Variants in XIRP2 observed in about 807,000 individuals in gnomAD.
XIRP2 encodes xin actin binding repeat containing 2.
A neutral mutation model predicts 277.0 loss-of-function variants in XIRP2; 236 were observed. That is an observed-to-expected ratio of 0.85 (90% CI 0.77 to 0.95). The LOEUF (loss-of-function observed/expected upper bound fraction) is 0.95. Among genes scored for constraint, XIRP2 ranks in the 40% least tolerant of loss-of-function variants. The pLI, the probability that XIRP2 is intolerant of heterozygous loss-of-function variation, is 0.00. For synonymous variants in XIRP2, 1,490 were observed against 1,416.5 expected, an observed-to-expected ratio of 1.05 and a Z score of -1.17; for missense variants, 4,640 against 4,157.5, an observed-to-expected ratio of 1.12 and a Z score of -3.19.
intron 2 of XIRP2, among the ~76,000 whole-genome samples, chr2:167,006,330 G>C (rs899096932): frequency 1.3e-5 from 2 of 151,748 alleles, no homozygotes; most frequent in South Asian, 2.1e-4. Flanking sequence ...ATGGTGGGGC[G>C]GGGGGAATGT....
intron 2 of XIRP2, among the ~76,000 whole-genome samples, chr2:167,027,167 A>G (rs1008890011): frequency 1.4e-4 from 22 of 152,062 alleles, no homozygotes; most frequent in African/African-American, 5.3e-4. Flanking sequence ...TGGTCTTTTC[A>G]CATAGTCCTA....
At chr2:166,902,116 C>T (rs879912109) in intron 1 of XIRP2, among the ~76,000 whole-genome samples, 3 of 152,036 alleles carry the variant, frequency 2.0e-5, no homozygotes, top group Non-Finnish European at 4.4e-5. Flanking sequence ...TAGTAAAACC[C>T]AACCTGGGAC....
rs1002991615 is a variant in XIRP2, at chr2:166,893,941, A to G, written c.-19+5384A>G. Among the ~76,000 whole-genome samples, 7 of 152,300 alleles carry G rather than the reference A, an allele frequency of 4.6e-5. No homozygotes were observed. In the East Asian group the frequency reaches 1.4e-3, roughly 29 times the overall value. On this transcript the variant is annotated intron_variant, in intron 1 of 10. Coordinates refer to ENST00000409195, the MANE Select transcript of XIRP2 (RefSeq NM_152381.6). ...AAATCAACCATATGAGACTATTTAC[A>G]AAGCTTGTTTAAAATTAACTTTAGG...
chr2:167,025,395 C>A (rs1203057483), intron 2 of XIRP2, among the ~76,000 whole-genome samples: 1 of 151,982 alleles, frequency 6.6e-6, no homozygotes, highest in Non-Finnish European at 1.5e-5. Flanking sequence ...TTGATCTTTT[C>A]AAAAAACCAG....
intron 2 of XIRP2, among the ~76,000 whole-genome samples, chr2:167,064,048 CT>C (rs1403169960): frequency 4.6e-5 from 7 of 151,422 alleles, no homozygotes; most frequent in African/African-American, 1.7e-4. Flanking sequence ...TTTAAGATAC[CT>C]TTTATGTTAC....
intron 5 of XIRP2, among the ~76,000 whole-genome samples, chr2:167,238,291 GA>G (rs989435091): frequency 6.6e-6 from 1 of 151,426 alleles, no homozygotes; most frequent in African/African-American, 2.4e-5. Context: ...ATTCTGCTTG[GA>G]AAAAAAATTA....
intron 1 of XIRP2, among the ~76,000 whole-genome samples, chr2:166,890,186 G>A (rs1355566814): frequency 2.0e-5 from 3 of 151,736 alleles, no homozygotes; most frequent in Non-Finnish European, 4.4e-5. Flanking sequence ...GTAGAGATGG[G>A]GTTTCACCGT....
chr2:167,146,159 T>A (rs1691859114), intron 3 of XIRP2, among the ~76,000 whole-genome samples: 2 of 152,080 alleles, frequency 1.3e-5, no homozygotes, highest in African/African-American at 4.8e-5. Context: ...ACTAATTGTA[T>A]ATTGCTGAAG....
chr2:166,962,151 C>T (rs1391912357), intron 2 of XIRP2, among the ~76,000 whole-genome samples: 2 of 151,796 alleles, frequency 1.3e-5, no homozygotes, highest in South Asian at 2.1e-4. Flanking sequence ...CCTGGCCACC[C>T]ACAATCTTGT....
At chr2:167,231,370 G>A (rs954801182) in intron 5 of XIRP2, among the ~76,000 whole-genome samples, 10 of 151,988 alleles carry the variant, frequency 6.6e-5, no homozygotes, top group Admixed American at 2.6e-4. Flanking sequence ...TCCTTGTAAC[G>A]TCTCATGGAA....
chr2:167,150,860 GTGA>G (rs1558997941), intron 3 of XIRP2, among the ~76,000 whole-genome samples: 1 of 152,058 alleles, frequency 6.6e-6, no homozygotes, highest in East Asian at 1.9e-4. Flanking sequence ...TTAAAATACA[GTGA>G]TTTGGGCAGT....
intron 2 of XIRP2, among the ~76,000 whole-genome samples, chr2:167,058,996 G>T (rs1310777036): frequency 4.0e-5 from 6 of 148,920 alleles, no homozygotes; most frequent in Non-Finnish European, 8.9e-5. Flanking sequence ...AAGATGGAAA[G>T]AATATTTAGA....
chr2:166,966,860 C>A (rs1686446407), intron 2 of XIRP2, among the ~76,000 whole-genome samples: 1 of 151,978 alleles, frequency 6.6e-6, no homozygotes, highest in African/African-American at 2.4e-5. Context: ...ATCTTAGCAC[C>A]TTGCTATTCA....
chr2:167,195,034 A>G (rs1389436503), intron 3 of XIRP2, among the ~76,000 whole-genome samples: 1 of 152,172 alleles, frequency 6.6e-6, no homozygotes, highest in Non-Finnish European at 1.5e-5. Flanking sequence ...GAAAACTGCA[A>G]CACACTAAAA....
intron 3 of XIRP2, among the ~76,000 whole-genome samples, chr2:167,171,250 G>C (rs989498011): frequency 2.9e-4 from 44 of 152,118 alleles, no homozygotes; most frequent in Admixed American, 2.1e-3. Flanking sequence ...GCTAGTTACT[G>C]CTACAACTGC....
chr2:167,043,508 G>A (rs1688715645), intron 2 of XIRP2, among the ~76,000 whole-genome samples: 1 of 151,984 alleles, frequency 6.6e-6, no homozygotes, highest in East Asian at 1.9e-4. Context: ...TGACAAAAGT[G>A]ACATTACCAG....
At position 167,251,790 on chromosome 2, in the gene XIRP2, T is replaced by C. The variant is rs748000828; in HGVS notation, c.10398T>C (p.Ile3466=). Residue 3466 remains isoleucine, a synonymous_variant, in exon 9 of 11, where the codon ATT becomes ATC. Transcript: ENST00000409195. The stretch of plus-strand genomic sequence containing the variant: ...ATGAGGATGTCATTGCTGGACATAT[T>C]TTAGATATCTCTGATTCACCTAAAG... ...PTYEDVIAGH[I]LDISDSPKEV... The C allele has an allele frequency of 1.6e-5, 26 of 1,613,380 alleles. No homozygotes were observed. The highest frequency in any genetic ancestry group is 2.0e-5 in the Non-Finnish European group (24 of 1,179,578).
chr2:167,249,349 G>C lies in XIRP2; in HGVS notation c.7957G>C (p.Asp2653His), dbSNP rs544826216. 6.2e-7 allele frequency: 1 copy of C among 1,613,702 alleles called. No homozygotes were observed. The highest frequency in any genetic ancestry group is 8.5e-7 in the Non-Finnish European group (1 of 1,179,800). Residue 2653 changes from aspartate to histidine, a missense_variant, in exon 9 of 11, where the codon GAT becomes CAT. Asp to His is a moderately conservative substitution (Grantham distance 81). Coordinates refer to ENST00000409195, the MANE Select transcript of XIRP2 (RefSeq NM_152381.6). The stretch of plus-strand genomic sequence containing the variant: ...TGTTTTAGCAGCTTCAGAAGACAAA[G>C]ATAAGATGAAAAAGGAAGTTTTACA... Reference protein sequence around the residue: ...HHVLAASEDKDKMKKEVLQSS... With the variant: ...HHVLAASEDKHKMKKEVLQSS...
chr2:167,028,369 C>G (rs1688233385), intron 2 of XIRP2, among the ~76,000 whole-genome samples: 1 of 151,946 alleles, frequency 6.6e-6, no homozygotes, highest in East Asian at 1.9e-4. Context: ...CTGAGAGACT[C>G]CATTTGTTGA....
Sources: gnomAD v4.1 joint callset for allele counts (sites outside exome capture counted in the v4.1 genomes callset) on GRCh38, gnomAD v4.1.1 for gene constraint, MANE v1.5 for transcripts, NCBI Gene and HGNC (gene_info 2026-07-23, HGNC 2026-07-21) for gene names.